ATP6V1H: variants seen among roughly 807,000 people sequenced by gnomAD.
ATP6V1H encodes ATPase H+ transporting V1 subunit H, also known as V-type proton ATPase subunit H.
Under a neutral mutation model 71.7 loss-of-function variants are expected in ATP6V1H, and 39 were observed. The observed-to-expected ratio is 0.54, with a 90% CI of 0.42 to 0.71. ATP6V1H has a LOEUF of 0.71. Among genes scored for constraint, ATP6V1H ranks in the 30% least tolerant of loss-of-function variants. The pLI is 0.00. For missense variants in ATP6V1H, 509 were observed against 594.9 expected, an observed-to-expected ratio of 0.86 and a Z score of 1.50; for synonymous variants, 192 against 199.3, an observed-to-expected ratio of 0.96 and a Z score of 0.31.
chr8:53,835,529 GT>G (rs1228514570), intron 2 of ATP6V1H, among the ~76,000 whole-genome samples: 1 of 152,178 alleles, frequency 6.6e-6, no homozygotes, highest in Non-Finnish European at 1.5e-5. Flanking sequence ...TCCCTTCTGG[GT>G]TTTGTACATA....
At chr8:53,833,495 G>A (rs890572548) in intron 2 of ATP6V1H, among the ~76,000 whole-genome samples, 1 of 151,032 alleles carries the variant, frequency 6.6e-6, no homozygotes, top group Non-Finnish European at 1.5e-5. Flanking sequence ...CAAGTCCAAA[G>A]CCACTTTATA....
At chr8:53,818,146 T>A (rs1416441299) in intron 4 of ATP6V1H, among the ~76,000 whole-genome samples, 2 of 152,218 alleles carry the variant, frequency 1.3e-5, no homozygotes, top group Non-Finnish European at 2.9e-5. Context: ...CTGGCTGAGA[T>A]CCACTTTCTG....
At chr8:53,716,822 C>G (rs966019158) in intron 13 of ATP6V1H, among the ~76,000 whole-genome samples, 2 of 152,246 alleles carry the variant, frequency 1.3e-5, no homozygotes, top group African/African-American at 4.8e-5. Context: ...AATCTTGTCC[C>G]TATTTTCCTT....
At chr8:53,791,933 T>C (rs13259921) in intron 9 of ATP6V1H, among the ~76,000 whole-genome samples, 14,681 of 152,280 alleles carry the variant, frequency 0.096, 968 homozygotes, top group South Asian at 0.26. Flanking sequence ...TGTTTTGTGA[T>C]TTAGGAGAGA....
chr8:53,823,925 T>C lies in ATP6V1H; in HGVS notation c.306+5519A>G, dbSNP rs181594454. ...ATTAAGGTAGAGAAGAGAAAAACTA[T>C]AGATCAATTAATATGAAAATCCTGA... On this transcript the variant is annotated intron_variant, in intron 4 of 13. Transcript: ENST00000359530. Among the ~76,000 whole-genome samples the C allele has an allele frequency of 6.0e-3, 910 of 150,808 alleles. 9 individuals carry two copies. Among genetic ancestry groups the C allele is most frequent in the Middle Eastern group, 0.01 (3 of 290 alleles).
intron 1 of ATP6V1H, chr8:53,842,615 G>GA (rs1201589189): frequency 2.0e-5 from 3 of 152,168 alleles, no homozygotes; most frequent in Admixed American, 6.5e-5. Flanking sequence ...CAGGGCCCAG[G>GA]AAAAAACAGG....
chr8:53,817,208 T>G (rs1810479121), intron 5 of ATP6V1H, among the ~76,000 whole-genome samples: 1 of 151,532 alleles, frequency 6.6e-6, no homozygotes, highest in Admixed American at 6.6e-5. Flanking sequence ...AACAAAAATT[T>G]TAAAATAAAA....
intron 13 of ATP6V1H, among the ~76,000 whole-genome samples, chr8:53,717,493 T>G (rs891652662): frequency 7.2e-5 from 11 of 152,248 alleles, no homozygotes; most frequent in African/African-American, 2.7e-4. Flanking sequence ...CTCATTAATT[T>G]TGGATGTCAC....
In ATP6V1H at chr8:53,727,684, T is replaced by G. The variant is rs75530697; in HGVS notation, c.1392-11660A>C. ...CGACTTCCACTCTCACTCCACTGAT[T>G]ACTTTAAATATGTCGCTCTAGCTTA... is the stretch of plus-strand genomic sequence containing the variant. On this transcript the variant is annotated intron_variant, in intron 13 of 13. Coordinates refer to ENST00000359530, the MANE Select transcript of ATP6V1H (RefSeq NM_015941.4). 1.4e-3 allele frequency among the ~76,000 whole-genome samples: 210 copies of G among 152,354 alleles called. 4 individuals carry two copies. In the East Asian group the frequency reaches 0.031, roughly 23 times the overall value.
At chr8:53,768,703 G>A (rs1808549660) in intron 11 of ATP6V1H, among the ~76,000 whole-genome samples, 2 of 152,082 alleles carry the variant, frequency 1.3e-5, no homozygotes, top group African/African-American at 4.8e-5. Flanking sequence ...TCTATTATAT[G>A]ATTCCATTTA....
chr8:53,786,222 C>G (rs896063996), intron 9 of ATP6V1H, among the ~76,000 whole-genome samples: 5 of 152,228 alleles, frequency 3.3e-5, no homozygotes, highest in Non-Finnish European at 5.9e-5. Context: ...TTTACCTACT[C>G]AAGCCTCGGC....
At chr8:53,788,534 G>A (rs544147821) in intron 9 of ATP6V1H, among the ~76,000 whole-genome samples, 1 of 152,272 alleles carries the variant, frequency 6.6e-6, no homozygotes, top group East Asian at 1.9e-4. Flanking sequence ...ATGATTTTAT[G>A]GAGAAAAGGG....
intron 4 of ATP6V1H, among the ~76,000 whole-genome samples, chr8:53,826,100 T>C (rs1032250903): frequency 2.0e-5 from 3 of 152,178 alleles, no homozygotes; most frequent in African/African-American, 7.2e-5. Flanking sequence ...TTTAAGGTCA[T>C]CTAAAGATGT....
intron 2 of ATP6V1H, among the ~76,000 whole-genome samples, chr8:53,837,494 G>GA (rs11313569): frequency 0.029 from 3,869 of 134,690 alleles, 57 homozygotes; most frequent in Middle Eastern, 0.062. Flanking sequence ...AAATGCTATG[G>GA]AAAAAAAAAA....
intron 13 of ATP6V1H, among the ~76,000 whole-genome samples, chr8:53,728,218 C>T (rs1035724650): frequency 3.9e-5 from 6 of 152,198 alleles, no homozygotes; most frequent in Non-Finnish European, 7.3e-5. Context: ...GGTTCCCCTA[C>T]CTCAGCAGCC....
At chr8:53,733,271 G>A (rs1479188843) in intron 13 of ATP6V1H, among the ~76,000 whole-genome samples, 5 of 152,186 alleles carry the variant, frequency 3.3e-5, no homozygotes. Flanking sequence ...GCCAGAAATT[G>A]TCTGCTTTCC....
At chr8:53,776,153 T>G (rs1808880414) in intron 9 of ATP6V1H, among the ~76,000 whole-genome samples, 1 of 152,128 alleles carries the variant, frequency 6.6e-6, no homozygotes, top group South Asian at 2.1e-4. Flanking sequence ...GCTAAGTCCG[T>G]CATTGCCCAG....
rs140596765 is a variant in ATP6V1H, at chr8:53,779,298, C to T, written c.871-7131G>A. On this transcript the variant is annotated intron_variant, in intron 9 of 13. Coordinates refer to ENST00000359530, the MANE Select transcript of ATP6V1H (RefSeq NM_015941.4). ...TATAAGACAAGCCATAAAATGAGTC[C>T]CAAATTTCAAAGGATTGAAATCTTA... Among the ~76,000 whole-genome samples, 336 of 151,878 alleles carry T rather than the reference C, an allele frequency of 2.2e-3. 2 individuals carry two copies. Among genetic ancestry groups the T allele is most frequent in the African/African-American group, 7.8e-3 (323 of 41,414 alleles).
chr8:53,748,654 T>C (rs868387068), intron 12 of ATP6V1H, among the ~76,000 whole-genome samples: 15 of 152,208 alleles, frequency 9.9e-5, no homozygotes, highest in African/African-American at 3.1e-4. Context: ...ATAGGAGATG[T>C]CACATATCAC....
Sources: allele counts gnomAD v4.1 joint callset (sites outside exome capture counted in the v4.1 genomes callset), GRCh38; gene constraint gnomAD v4.1.1; transcripts MANE v1.5; gene names NCBI Gene and HGNC (gene_info 2026-07-23, HGNC 2026-07-21).